Variants in ABLIM2 observed in about 807,000 individuals in gnomAD.
ABLIM2 encodes the protein actin binding LIM protein family member 2, also known as actin-binding LIM protein 2.
A neutral mutation model predicts 97.7 loss-of-function variants in ABLIM2; 53 were observed. The ratio of observed to expected loss-of-function variants is 0.54; its 90% confidence interval spans 0.44 to 0.68. The LOEUF is 0.68. ABLIM2 is among the 30% of genes least tolerant of loss of function. ABLIM2 has a pLI of 0.00. For missense variants in ABLIM2, 835 were observed against 867.2 expected (o/e 0.96, Z 0.47); for synonymous variants, 361 against 345.8 (o/e 1.04, Z -0.49).
intron 20 of ABLIM2, among the ~76,000 whole-genome samples, chr4:7,972,365 A>T (rs1728818732): frequency 6.6e-6 from 1 of 151,990 alleles, no homozygotes; most frequent in Non-Finnish European, 1.5e-5. Flanking sequence ...TCGTCATCCT[A>T]CTGGTCCTGA....
At chr4:7,967,167 AGTTT>A in intron 20 of ABLIM2, 64 bp from the exon 21 acceptor site, 1 of 1,381,788 alleles carries the variant, frequency 7.2e-7, no homozygotes, top group Non-Finnish European at 1.0e-6. Context: ...ACCATTGGGC[AGTTT>A]GCTGCCGCCA....
chr4:7,992,758 G>A lies in ABLIM2; in HGVS notation c.1680+108C>T. ...TCAGGCAGAGGCAGGTGGGCCGCGG[G>A]GTCCCCGGGGCCTCTCCTCCTGCTG... On this transcript the variant is annotated intron_variant, in intron 17 of 20. Transcript: ENST00000447017. This position sits in a 1 kb window ranked among gnomAD's most constrained non-coding sequence, Gnocchi z 5.7. 7.9e-7 allele frequency: 1 copy of A among 1,268,260 alleles called. No individual in the cohort carries two copies. Among genetic ancestry groups the A allele is most frequent in the African/African-American group, 1.5e-5 (1 of 67,332 alleles). The allele number at this position is 1,268,260 out of a possible 1,614,324, so 78.6% of individuals were successfully genotyped here.
intron 1 of ABLIM2, among the ~76,000 whole-genome samples, chr4:8,142,208 G>A (rs904410120): frequency 3.9e-5 from 6 of 152,046 alleles, no homozygotes; most frequent in Non-Finnish European, 8.8e-5. Context: ...ACATCGGCTC[G>A]AGCCCCTCCC....
At chr4:8,038,621 AG>A (rs1302839817) in intron 9 of ABLIM2, among the ~76,000 whole-genome samples, 1 of 152,152 alleles carries the variant, frequency 6.6e-6, no homozygotes, top group African/African-American at 2.4e-5. Flanking sequence ...ACCAGGCTTG[AG>A]GGTTCTCCTG....
chr4:8,093,628 G>A (rs2152591617), intron 3 of ABLIM2, among the ~76,000 whole-genome samples: 1 of 152,220 alleles, frequency 6.6e-6, no homozygotes, highest in Admixed American at 6.5e-5. Flanking sequence ...AGTTTTTTGT[G>A]CTTAGTCTAG....
At chr4:7,993,806 G>C (rs553276694) in intron 16 of ABLIM2, 2 of 435,168 alleles carry the variant, frequency 4.6e-6, no homozygotes, top group East Asian at 7.4e-5. Flanking sequence ...TTCCCTGTGG[G>C]GCAAGGCTCG....
At chr4:8,156,215 G>A (rs1276540334) in intron 1 of ABLIM2, among the ~76,000 whole-genome samples, 2 of 148,170 alleles carry the variant, frequency 1.3e-5, no homozygotes, top group African/African-American at 5.0e-5. Flanking sequence ...CCCAGCTCAG[G>A]TACCTTCCTC....
rs1436861946 is a variant in ABLIM2, at chr4:8,058,462, A to G, written c.763+2505T>C. On this transcript the variant is annotated intron_variant, in intron 7 of 20. Coordinates refer to ENST00000447017, the MANE Select transcript of ABLIM2 (RefSeq NM_001130083.2). This position sits in a 1 kb window ranked among gnomAD's most constrained non-coding sequence, Gnocchi z 4.2. The stretch of plus-strand genomic sequence containing the variant: ...CCTGCACGGCAGACGCTCTGACAGC[A>G]GCTCTCCCAGACCTGGCCGGGCCCA... Among the ~76,000 whole-genome samples, 1 of 152,234 alleles carries G rather than the reference A, an allele frequency of 6.6e-6. No homozygotes were observed. Among genetic ancestry groups the G allele is most frequent in the African/African-American group, 2.4e-5 (1 of 41,472 alleles).
chr4:8,084,322 AC>A (rs1821887437), intron 4 of ABLIM2, among the ~76,000 whole-genome samples: 1 of 152,058 alleles, frequency 6.6e-6, no homozygotes. Flanking sequence ...TCCCAGGCGC[AC>A]CCAGGGGTTC....
At chr4:8,118,211 G>A (rs1843650932) in intron 1 of ABLIM2, among the ~76,000 whole-genome samples, 1 of 152,156 alleles carries the variant, frequency 6.6e-6, no homozygotes, top group Non-Finnish European at 1.5e-5. Flanking sequence ...CTCAACACAC[G>A]CCAGGGCTTA....
intron 14 of ABLIM2, among the ~76,000 whole-genome samples, chr4:8,012,523 C>T (rs926507062): frequency 2.0e-5 from 3 of 151,148 alleles, no homozygotes; most frequent in African/African-American, 4.9e-5. Context: ...CCCACCCATC[C>T]ACCCATCTAT....
At position 8,061,032 on chromosome 4, in the gene ABLIM2, G is replaced by T. The variant is rs1265781063; in HGVS notation, c.698C>A (p.Pro233His). The T allele has an allele frequency of 1.3e-6, 2 of 1,596,100 alleles. No individual in the cohort carries two copies. Among genetic ancestry groups the T allele is most frequent in the South Asian group, 1.1e-5 (1 of 87,798 alleles). Residue 233 changes from proline (P) to histidine (H), a missense_variant, in exon 7 of 21, where the codon CCT becomes CAT. By Grantham distance (77) the Pro-to-His change is moderately conservative (BLOSUM62 -2). Transcript: ENST00000447017. The surrounding 1 kb of genome is among the most constrained non-coding windows in gnomAD (Gnocchi z 4.5). ...VLEAGEKHYH[P>H]SCALCVRCGQ... is the part of the protein sequence containing the mutation. ...GCACCTGACACATAGCGCGCAGGAA[G>T]GGTGGTAGTGCTTCTCTCCGGCCTG...
At position 7,998,099 on chromosome 4, in the gene ABLIM2, T is replaced by G. The variant is rs991891396; in HGVS notation, c.1619-5172A>C. Among the ~76,000 whole-genome samples, 4 of 152,060 alleles carry G rather than the reference T, an allele frequency of 2.6e-5. No homozygotes were observed. Among genetic ancestry groups the G allele is most frequent in the Non-Finnish European group, 5.9e-5 (4 of 68,022 alleles). On this transcript the variant is annotated intron_variant, in intron 16 of 20. Transcript: ENST00000447017. The surrounding 1 kb of genome is among the most constrained non-coding windows in gnomAD (Gnocchi z 6.4). ...TTTCTCCATGTTGATCGGGCTCGTC[T>G]TCAACTCCTGATCTCAGGTGATCTG...
chr4:8,116,834 C>T (rs10938692), intron 1 of ABLIM2, among the ~76,000 whole-genome samples: 90,608 of 152,102 alleles, frequency 0.6, 27,533 homozygotes, highest in Non-Finnish European at 0.67. Context: ...AATACTAGGT[C>T]CCAAACTGTT....
intron 1 of ABLIM2, among the ~76,000 whole-genome samples, chr4:8,146,297 ACT>A (rs1301986212): frequency 2.6e-5 from 4 of 151,980 alleles, no homozygotes; most frequent in Admixed American, 6.6e-5. Flanking sequence ...TTCCCTTTTC[ACT>A]CTCAGTCTGT....
intron 9 of ABLIM2, among the ~76,000 whole-genome samples, chr4:8,037,640 C>CA (rs138808173): frequency 0.017 from 2,637 of 152,270 alleles, 68 homozygotes; most frequent in African/African-American, 0.058. Context: ...TACTTGCACA[C>CA]AATCACCCCA....
Position 8,032,200 on chromosome 4 carries a change from GAAA to G in ABLIM2, c.1048-2427_1048-2425del, listed in dbSNP as rs200495159. On this transcript the variant is annotated intron_variant, in intron 10 of 20. Coordinates refer to ENST00000447017, the MANE Select transcript of ABLIM2 (RefSeq NM_001130083.2). The surrounding 1 kb of genome is among the most constrained non-coding windows in gnomAD (Gnocchi z 4.3). ...TGTCACTGATTAATTTTGAGAAACA[GAAA>G]AAAAAAAAAAAAACTAGACCACTAA... 0.11 allele frequency among the ~76,000 whole-genome samples: 15,232 copies of G among 139,428 alleles called. 1,062 individuals carry two copies. Among genetic ancestry groups the G allele is most frequent in the East Asian group, 0.28 (1,380 of 4,844 alleles). 91.5% of individuals were successfully genotyped at this position (139,428 alleles called of 152,430 possible). A position where few individuals can be genotyped will look rare whatever the true frequency, so the allele number is the denominator to read the frequency against.
At position 8,113,188 on chromosome 4, in the gene ABLIM2, G is replaced by A. The variant is rs534444405; in HGVS notation, c.11-6551C>T. On this transcript the variant is annotated intron_variant, in intron 1 of 20. Coordinates refer to ENST00000447017, the MANE Select transcript of ABLIM2 (RefSeq NM_001130083.2). The surrounding 1 kb of genome is among the most constrained non-coding windows in gnomAD (Gnocchi z 4.5). ...CAGCTCACTGCAGCCTCAACCTCCC[G>A]GGATCAAGCCATCCTCCCACCTCAG... Among the ~76,000 whole-genome samples the A allele has an allele frequency of 5.9e-5, 9 of 152,190 alleles. No individual in the cohort carries two copies. The highest frequency in any genetic ancestry group is 1.9e-4 in the East Asian group (1 of 5,172).
At chr4:8,116,531 C>T (rs1229465341) in intron 1 of ABLIM2, among the ~76,000 whole-genome samples, 1 of 152,206 alleles carries the variant, frequency 6.6e-6, no homozygotes, top group African/African-American at 2.4e-5. Context: ...AATGCATTTG[C>T]ACACCATGAT....
Sources: gnomAD v4.1 joint callset for allele counts (sites outside exome capture counted in the v4.1 genomes callset) on GRCh38, gnomAD v4.1.1 for gene constraint, Gnocchi (gnomAD v3.1) non-coding constraint, MANE v1.5 for transcripts, NCBI Gene and HGNC (gene_info 2026-07-23, HGNC 2026-07-21) for gene names.